Variants in SYDE2 observed in about 807,000 individuals in gnomAD.
SYDE2 encodes the protein synapse defective Rho GTPase homolog 2.
In SYDE2, 76 loss-of-function variants were observed where a neutral mutation model predicts 91.5. That is an observed-to-expected ratio of 0.83 (90% CI 0.69 to 1.01). The LOEUF (loss-of-function observed/expected upper bound fraction) is 1.01. Among genes scored for constraint, SYDE2 ranks in the 50% least tolerant of loss-of-function variants. The probability of loss-of-function intolerance (pLI) is 0.00; values close to 1 mark genes in which losing one functional copy is unlikely to be tolerated. For missense variants in SYDE2, 1,364 were observed against 1,367.7 expected (o/e 1.00, Z 0.04); for synonymous variants, 513 against 506.4 (o/e 1.01, Z -0.18).
intron 1 of SYDE2, among the ~76,000 whole-genome samples, chr1:85,192,955 G>C (rs1420443423): frequency 6.6e-6 from 1 of 152,164 alleles, no homozygotes; most frequent in Non-Finnish European, 1.5e-5. Context: ...TAAGAACTAA[G>C]TGAAATAATG....
In SYDE2 at chr1:85,157,947, T is replaced by C. The variant is rs1259851523; in HGVS notation, c.*803A>G. On this transcript the variant is annotated 3_prime_UTR_variant, in exon 7 of 7. Transcript: ENST00000341460. ...TTAATACAGAAAACATTAATACTTG[T>C]ATAATTTCACTTTTATTTATAAAAA... The C allele has an allele frequency of 6.6e-6, 1 of 152,210 alleles. No homozygotes were observed. The highest frequency in any genetic ancestry group is 1.5e-5 in the Non-Finnish European group (1 of 68,040). The allele number at this position is 152,210 out of a possible 1,614,324, so 9.4% of individuals were successfully genotyped here. A position where few individuals can be genotyped will look rare whatever the true frequency, so the allele number is the denominator to read the frequency against.
chr1:85,190,217 T>C lies in SYDE2; in HGVS notation c.1281A>G (p.Glu427=). 6.2e-7 allele frequency: 1 copy of C among 1,613,980 alleles called. No homozygotes were observed. Among genetic ancestry groups the C allele is most frequent in the Non-Finnish European group, 8.5e-7 (1 of 1,179,882 alleles). The stretch of plus-strand genomic sequence containing the variant: ...GTGTGGTCTGAATATCACCTGCATG[T>C]TCGGAAGAGCACAGTGAGTCTTCAG... ...RHTEDSLCSS[E]HAGDIQTTRS... Residue 427 remains glutamate, a synonymous_variant, in exon 2 of 7, where the codon GAA becomes GAG. Coordinates refer to ENST00000341460, the MANE Select transcript of SYDE2 (RefSeq NM_032184.2).
intron 3 of SYDE2, among the ~76,000 whole-genome samples, chr1:85,180,776 A>G (rs1657884670): frequency 6.6e-6 from 1 of 152,182 alleles, no homozygotes; most frequent in Admixed American, 6.5e-5. Context: ...AACAGTCTAT[A>G]TATACCTGCT....
At chr1:85,177,990 TC>T (rs1657768614) in intron 4 of SYDE2, among the ~76,000 whole-genome samples, 155 bp downstream of exon 4, 1 of 152,078 alleles carries the variant, frequency 6.6e-6, no homozygotes, top group African/African-American at 2.4e-5. Flanking sequence ...CTTAATACCT[TC>T]CCATAGAAAA....
At chr1:85,155,022 A>G (rs817407), downstream of SYDE2, among the ~76,000 whole-genome samples, 169 of 149,554 alleles carry the variant, frequency 1.1e-3, no homozygotes, top group African/African-American at 4.0e-3. Flanking sequence ...AAAAAAAAAA[A>G]AAAGAAAAGA....
intron 1 of SYDE2, among the ~76,000 whole-genome samples, chr1:85,192,633 T>C (rs867400205): frequency 6.6e-6 from 1 of 152,190 alleles, no homozygotes; most frequent in Admixed American, 6.5e-5. Context: ...GTGACTATTA[T>C]GTGGCAGGCA....
chr1:85,177,213 T>C (rs1657734503), intron 4 of SYDE2, among the ~76,000 whole-genome samples: 1 of 152,166 alleles, frequency 6.6e-6, no homozygotes, highest in African/African-American at 2.4e-5. Context: ...TTACTACACA[T>C]ATATGCCAAT....
Position 85,158,942 on chromosome 1 carries a change from C to T in SYDE2, c.3393G>A (p.Gly1131=). The T allele has an allele frequency of 2.6e-6, 2 of 780,642 alleles. No homozygotes were observed. Among genetic ancestry groups the T allele is most frequent in the Non-Finnish European group, 4.8e-6 (2 of 417,918 alleles). 48.4% of individuals were successfully genotyped at this position (780,642 alleles called of 1,614,324 possible). The change falls in exon 7 of 7, where the codon GGG becomes GGA. Residue 1131 remains glycine (G), a synonymous_variant. Transcript: ENST00000341460. ...KIGENYSKMD[G]PEVMIEQPIP... ...TTGGCTGTTCAATCATTACTTCTGG[C>T]CCATCCATTTTGCTATAATTTTCTC...
chr1:85,157,612 C>T lies in SYDE2; in HGVS notation c.*1138G>A, dbSNP rs1656913090. 1 of 152,248 alleles carries T rather than the reference C, an allele frequency of 6.6e-6. No individual in the cohort carries two copies. Among genetic ancestry groups the T allele is most frequent in the Admixed American group, 6.5e-5 (1 of 15,288 alleles). The allele number at this position is 152,248 out of a possible 1,614,324, so 9.4% of individuals were successfully genotyped here. A position where few individuals can be genotyped will look rare whatever the true frequency, so the allele number is the denominator to read the frequency against. ...AGAGGATTTCAAATTTAAAAGATGA[C>T]TTTTCCCAGGGGACATTGTGACTTT... On this transcript the variant is annotated 3_prime_UTR_variant, in exon 7 of 7. Transcript: ENST00000341460.
rs759010152 is a variant in SYDE2, at chr1:85,183,219, A to G, written c.1442-19T>C. ...CCAGAACCTTAAAAGAAAGAAAGAAAAATACGTTATAAAGCAATATGTTTT... is the reference window on the plus strand; with the variant it reads ...CCAGAACCTTAAAAGAAAGAAAGAAGAATACGTTATAAAGCAATATGTTTT... On this transcript the variant is annotated intron_variant, in intron 2 of 6. Coordinates refer to ENST00000341460, the MANE Select transcript of SYDE2 (RefSeq NM_032184.2). 8 of 1,518,488 alleles carry G rather than the reference A, an allele frequency of 5.3e-6. No individual in the cohort carries two copies. In the South Asian group the frequency reaches 1.1e-4, roughly 21 times the overall value. The allele number at this position is 1,518,488 out of a possible 1,614,324, so 94.1% of individuals were successfully genotyped here.
At chr1:85,181,606 T>C (rs1445162419) in intron 3 of SYDE2, 1 of 152,520 alleles carries the variant, frequency 6.6e-6, no homozygotes, top group African/African-American at 2.4e-5. Flanking sequence ...GTTTCTATAG[T>C]TTCCATGTTA....
intron 2 of SYDE2, among the ~76,000 whole-genome samples, chr1:85,185,258 T>C (rs1467748593): frequency 6.8e-6 from 1 of 147,908 alleles, no homozygotes; most frequent in African/African-American, 2.4e-5. Flanking sequence ...ATTATAAATA[T>C]ATTTTAATTA....
intron 6 of SYDE2, chr1:85,161,091 C>A: frequency 1.0e-6 from 1 of 985,106 alleles, no homozygotes; most frequent in Non-Finnish European, 1.2e-6. Flanking sequence ...TTCTGGTTTT[C>A]CCATCACTGT....
intron 6 of SYDE2, chr1:85,160,962 C>A (rs1462394265): frequency 2.0e-6 from 2 of 979,354 alleles, no homozygotes; most frequent in Non-Finnish European, 2.4e-6. Context: ...TATTTTATAT[C>A]TTTTAGACTA....
chr1:85,181,408 C>A (rs1657916241), intron 3 of SYDE2: 1 of 152,052 alleles, frequency 6.6e-6, no homozygotes, highest in Admixed American at 6.6e-5. Context: ...GCCTTGGCCT[C>A]CCAAAGTGCT....
At chr1:85,168,969 T>G in intron 5 of SYDE2, 75 bp downstream of exon 5, 1 of 1,326,286 alleles carries the variant, frequency 7.5e-7, no homozygotes, top group Non-Finnish European at 1.1e-6. Context: ...ATATCTAAAA[T>G]TATTTGTAGC....
Position 85,156,922 on chromosome 1 carries a change from T to C in SYDE2, c.*1828A>G, listed in dbSNP as rs756760434. ...TTTCTAGAGCAATTTATTCAATTCA[T>C]ACATGATATAGCAACAAAAGGAAGG... On this transcript the variant is annotated 3_prime_UTR_variant, in exon 7 of 7. Transcript: ENST00000341460. The C allele has an allele frequency of 2.6e-5, 4 of 152,056 alleles. No individual in the cohort carries two copies. Among genetic ancestry groups the C allele is most frequent in the Non-Finnish European group, 4.4e-5 (3 of 67,962 alleles). 9.4% of individuals were successfully genotyped at this position (152,056 alleles called of 1,614,324 possible). A position where few individuals can be genotyped will look rare whatever the true frequency, so the allele number is the denominator to read the frequency against.
intron 5 of SYDE2, among the ~76,000 whole-genome samples, chr1:85,168,436 C>T (rs779843537): frequency 7.2e-5 from 11 of 152,194 alleles, no homozygotes; most frequent in African/African-American, 1.7e-4. Flanking sequence ...CCTATTTTCC[C>T]TTCTATTCTA....
chr1:85,184,680 A>G (rs1412071914), intron 2 of SYDE2, among the ~76,000 whole-genome samples: 1 of 152,136 alleles, frequency 6.6e-6, no homozygotes, highest in African/African-American at 2.4e-5. Context: ...CCTGGACAAC[A>G]TGGCAAAACC....
Sources: gnomAD v4.1 joint callset for allele counts (sites outside exome capture counted in the v4.1 genomes callset) on GRCh38, gnomAD v4.1.1 for gene constraint, MANE v1.5 for transcripts, NCBI Gene and HGNC (gene_info 2026-07-23, HGNC 2026-07-21) for gene names.